PDE6D: variants seen among roughly 807,000 people sequenced by gnomAD.
The protein encoded by PDE6D is phosphodiesterase 6D.
PDE6D carries 10 observed loss-of-function variants against 21.9 expected under a neutral mutation model. The ratio of observed to expected loss-of-function variants is 0.46; its 90% CI spans 0.28 to 0.78. The LOEUF is 0.78. Among genes scored for constraint, PDE6D ranks in the 30% least tolerant of loss-of-function variants. The pLI is 0.12. For missense variants in PDE6D, 139 were observed against 184.8 expected, an observed-to-expected ratio of 0.75 and a Z score of 1.44; for synonymous variants, 59 against 63.5, an observed-to-expected ratio of 0.93 and a Z score of 0.34.
intron 1 of PDE6D, among the ~76,000 whole-genome samples, chr2:231,777,019 G>A (rs1486830976): frequency 1.3e-5 from 2 of 152,088 alleles, no homozygotes; most frequent in Non-Finnish European, 2.9e-5. Context: ...TAGGGATCCA[G>A]GAAAATACAA....
In PDE6D at chr2:231,770,607, C is replaced by T. The variant is rs543535883; in HGVS notation, c.50+10458G>A. Among the ~76,000 whole-genome samples, 3 of 152,032 alleles carry T rather than the reference C, an allele frequency of 2.0e-5. No homozygotes were observed. The East Asian group carries it at 5.8e-4, about 29-fold the overall frequency. On this transcript the variant is annotated intron_variant, in intron 1 of 4. Transcript: ENST00000287600. ...CCAAGGCAGTCAGATCACTTGAGCC[C>T]AAGAGTTCAAGACCAGCCTGGGCAA...
intron 1 of PDE6D, among the ~76,000 whole-genome samples, chr2:231,764,465 T>C (rs564105250): frequency 4.6e-5 from 7 of 152,278 alleles, no homozygotes; most frequent in African/African-American, 1.7e-4. Context: ...GGAATATTAA[T>C]TTTTTTCTAA....
chr2:231,770,283 G>C (rs982369374), intron 1 of PDE6D, among the ~76,000 whole-genome samples: 1 of 152,062 alleles, frequency 6.6e-6, no homozygotes, highest in Non-Finnish European at 1.5e-5. Flanking sequence ...ATGTTTAAGA[G>C]GACTGTGCTT....
chr2:231,780,330 C>A (rs1323956852), intron 1 of PDE6D, among the ~76,000 whole-genome samples: 1 of 152,150 alleles, frequency 6.6e-6, no homozygotes. Context: ...CAGCGCGAGG[C>A]ACCCCACACC....
chr2:231,747,120 G>A (rs2048800301), intron 1 of PDE6D, among the ~76,000 whole-genome samples: 1 of 151,916 alleles, frequency 6.6e-6, no homozygotes, highest in South Asian at 2.1e-4. Context: ...ATGGAGTTTC[G>A]CTCTTTGTTG....
chr2:231,737,973 G>A (rs762058513), intron 3 of PDE6D, 40 bp downstream of exon 3: 26 of 1,578,724 alleles, frequency 1.6e-5, no homozygotes, highest in South Asian at 2.3e-5. Flanking sequence ...TGTCCTGGTC[G>A]CCCTAAGCCC....
intron 1 of PDE6D, among the ~76,000 whole-genome samples, chr2:231,762,339 CTTTTTTTTTTTT>C (rs3074725): frequency 3.6e-5 from 3 of 83,458 alleles, no homozygotes; most frequent in African/African-American, 6.5e-5. Flanking sequence ...AGGACTAACG[CTTTTTTTTTTTT>C]TTTTTTTTTT....
chr2:231,781,228 C>T lies in PDE6D; in HGVS notation c.-114G>A, dbSNP rs576288613. The stretch of plus-strand genomic sequence containing the variant: ...CGGCTTGGAGACCTCGGGCTAGCAG[C>T]CGCAGCGGCCAGACCAGGACCGGCC... On this transcript the variant is annotated 5_prime_UTR_variant, in exon 1 of 5. Transcript: ENST00000287600. 87 of 974,414 alleles carry T rather than the reference C, an allele frequency of 8.9e-5. 1 individual carries two copies. The South Asian group carries it at 1.0e-3, about 11-fold the overall frequency. 60.4% of individuals were successfully genotyped at this position (974,414 alleles called of 1,614,324 possible).
intron 1 of PDE6D, among the ~76,000 whole-genome samples, chr2:231,770,309 T>C (rs1265526496): frequency 6.6e-6 from 1 of 152,186 alleles, no homozygotes; most frequent in African/African-American, 2.4e-5. Context: ...GAAAAAAATA[T>C]GAAAACAAGA....
chr2:231,752,482 T>C (rs1179864844), intron 1 of PDE6D, among the ~76,000 whole-genome samples: 1 of 152,214 alleles, frequency 6.6e-6, no homozygotes, highest in African/African-American at 2.4e-5. Flanking sequence ...TTCTTCAGGA[T>C]TGAAGGAGGC....
intron 1 of PDE6D, among the ~76,000 whole-genome samples, chr2:231,776,178 G>A (rs546220590): frequency 1.3e-4 from 20 of 152,086 alleles, no homozygotes; most frequent in Admixed American, 5.9e-4. Flanking sequence ...AAAATTAGCC[G>A]GGCGTGGTGG....
chr2:231,766,197 G>C (rs1463165698), intron 1 of PDE6D, among the ~76,000 whole-genome samples: 1 of 152,190 alleles, frequency 6.6e-6, no homozygotes, highest in Non-Finnish European at 1.5e-5. Context: ...TAATACTCTT[G>C]TGCTGGCAAA....
chr2:231,752,441 TAAGC>T (rs2048846801), intron 1 of PDE6D, among the ~76,000 whole-genome samples: 1 of 152,216 alleles, frequency 6.6e-6, no homozygotes, highest in South Asian at 2.1e-4. Flanking sequence ...AAACACGATA[TAAGC>T]AAGTGTAGGA....
intron 1 of PDE6D, among the ~76,000 whole-genome samples, chr2:231,764,105 C>T (rs966337521): frequency 6.6e-6 from 1 of 151,998 alleles, no homozygotes; most frequent in Non-Finnish European, 1.5e-5. Context: ...AGGTCTTAGT[C>T]TAGTCTTGTG....
In PDE6D at chr2:231,738,102, A is replaced by G; in HGVS notation, c.176T>C (p.Val59Ala). The change falls in exon 3 of 5, where the codon GTG (valine) becomes GCG (alanine). Residue 59 changes from valine to alanine, a missense_variant. By Grantham distance (64) the Val-to-Ala change is moderately conservative. Coordinates refer to ENST00000287600, the MANE Select transcript of PDE6D (RefSeq NM_002601.4). ...CGAAGAAAAATTAAGTTCTCGAGAC[A>G]CTGCCTTGCACTTGAGGATTTTCTT... ...VPKKILKCKA[V>A]SRELNFSSTE... is the part of the protein sequence containing the mutation. 6.2e-7 allele frequency: 1 copy of G among 1,613,458 alleles called. No individual in the cohort carries two copies.
intron 2 of PDE6D, 88 bp from the exon 3 acceptor site, chr2:231,738,226 T>C: frequency 1.6e-6 from 2 of 1,253,422 alleles, no homozygotes; most frequent in Non-Finnish European, 1.1e-6. Flanking sequence ...TTCTTACAGC[T>C]GATTTAGAGA....
At chr2:231,768,787 G>A (rs1047637422) in intron 1 of PDE6D, 1 of 152,230 alleles carries the variant, frequency 6.6e-6, no homozygotes, top group Non-Finnish European at 1.5e-5. Flanking sequence ...TACTCGGCAT[G>A]TAACACATTG....
chr2:231,769,675 A>G (rs2049000293), intron 1 of PDE6D, among the ~76,000 whole-genome samples: 1 of 152,164 alleles, frequency 6.6e-6, no homozygotes, highest in South Asian at 2.1e-4. Context: ...ATGAAGAGGC[A>G]CAATCATAGC....
chr2:231,747,086 C>T (rs1470436962), intron 1 of PDE6D, among the ~76,000 whole-genome samples: 7 of 152,088 alleles, frequency 4.6e-5, no homozygotes, highest in Non-Finnish European at 8.8e-5. Context: ...ATCATCCAAA[C>T]GATGATACTT....
Sources: allele counts gnomAD v4.1 joint callset (sites outside exome capture counted in the v4.1 genomes callset), GRCh38; gene constraint gnomAD v4.1.1; transcripts MANE v1.5; gene names NCBI Gene and HGNC (gene_info 2026-07-23, HGNC 2026-07-21).